Variants in PLCG2 observed in about 807,000 individuals in gnomAD.
PLCG2 encodes the protein 1-phosphatidylinositol 4,5-bisphosphate phosphodiesterase gamma-2.
In PLCG2, 69 loss-of-function variants were observed where a neutral mutation model predicts 175.6. The ratio of observed to expected loss-of-function variants is 0.39; its 90% CI spans 0.32 to 0.48. The LOEUF (loss-of-function observed/expected upper bound fraction) is 0.48, where lower values mean the gene tolerates loss of function less well. Among genes scored for constraint, PLCG2 ranks in the 20% least tolerant of loss-of-function variants. The probability of loss-of-function intolerance (pLI) is 0.91; values close to 1 mark genes in which losing one functional copy is unlikely to be tolerated. For synonymous variants in PLCG2, 827 were observed against 624.0 expected (o/e 1.33, Z -4.85); for missense variants, 1,798 against 1,650.9 (o/e 1.09, Z -1.54).
intron 1 of PLCG2, among the ~76,000 whole-genome samples, chr16:81,742,077 G>A (rs758397666): frequency 5.0e-5 from 7 of 139,546 alleles, no homozygotes; most frequent in East Asian, 4.0e-4. Flanking sequence ...AATTCTACTC[G>A]CTTCCTCCAT....
At chr16:81,917,587 G>A (rs1909895675) in intron 19 of PLCG2, among the ~76,000 whole-genome samples, 2 of 152,186 alleles carry the variant, frequency 1.3e-5, no homozygotes, top group Admixed American at 6.5e-5. Flanking sequence ...TCTAACAGGT[G>A]TGAGGTGACA....
intron 3 of PLCG2, among the ~76,000 whole-genome samples, chr16:81,856,711 C>T (rs1376420135): frequency 6.6e-6 from 1 of 152,186 alleles, no homozygotes; most frequent in Non-Finnish European, 1.5e-5. Context: ...TACTGCCCTC[C>T]CACGATGCCC....
At chr16:81,757,706 C>T (rs376695471) in intron 2 of PLCG2, among the ~76,000 whole-genome samples, 9 of 152,148 alleles carry the variant, frequency 5.9e-5, no homozygotes, top group African/African-American at 2.2e-4. Context: ...AAGTGTGATT[C>T]GATGGCTTAT....
intron 2 of PLCG2, among the ~76,000 whole-genome samples, chr16:81,819,340 G>A (rs997460281): frequency 1.3e-5 from 2 of 152,136 alleles, no homozygotes; most frequent in South Asian, 4.1e-4. Flanking sequence ...CATTTTCAGA[G>A]CTCATTTCTG....
At position 81,786,136 on chromosome 16, in the gene PLCG2, G is replaced by A. The variant is rs969768555; in HGVS notation, c.147G>A (p.Thr49=). 10 of 1,614,090 alleles carry A rather than the reference G, an allele frequency of 6.2e-6. No homozygotes were observed. The highest frequency in any genetic ancestry group is 5.3e-5 in the African/African-American group (4 of 74,928). Residue 49 remains threonine, a synonymous_variant, in exon 2 of 33, where the codon ACG becomes ACA. Coordinates refer to ENST00000564138, the MANE Select transcript of PLCG2 (RefSeq NM_002661.5). ...ERRTVQVIME[T]RQVAWSKTAD... ...GAACCGTCCAGGTGATCATGGAGAC[G>A]CGGCAGGTGGCCTGGAGCAAGACCG...
intron 1 of PLCG2, among the ~76,000 whole-genome samples, chr16:81,753,763 A>T (rs1475163847): frequency 6.6e-6 from 1 of 152,194 alleles, no homozygotes; most frequent in Non-Finnish European, 1.5e-5. Context: ...TGCCACAGCC[A>T]CTAATGCAGA....
intron 17 of PLCG2, 125 bp downstream of exon 17, chr16:81,908,716 G>A (rs186219684): frequency 2.5e-6 from 2 of 795,246 alleles, no homozygotes; most frequent in Non-Finnish European, 3.9e-6. Flanking sequence ...GGCTTCATTT[G>A]TCTAGCTCTT....
chr16:81,773,420 G>T (rs1910326018), intron 2 of PLCG2, among the ~76,000 whole-genome samples: 3 of 152,162 alleles, frequency 2.0e-5, no homozygotes. Flanking sequence ...CAGCAGTGCA[G>T]ATTGGGAAAC....
chr16:81,898,162 A>G (rs1481102735), intron 13 of PLCG2: 1 of 213,296 alleles, frequency 4.7e-6, no homozygotes, highest in Non-Finnish European at 9.6e-6. Flanking sequence ...ATCGAACATT[A>G]TCTCATTCAT....
intron 2 of PLCG2, among the ~76,000 whole-genome samples, chr16:81,812,263 A>G (rs1333049613): frequency 6.6e-6 from 1 of 151,864 alleles, no homozygotes; most frequent in Non-Finnish European, 1.5e-5. Flanking sequence ...GTTAGCCAGG[A>G]TGGTCTTGAT....
intron 15 of PLCG2, 129 bp from the exon 16 acceptor site, chr16:81,907,556 T>C: frequency 1.8e-6 from 1 of 562,714 alleles, no homozygotes; most frequent in East Asian, 3.0e-5. Flanking sequence ...GAATTCGCCA[T>C]AAATGTCTAT....
At chr16:81,824,389 C>T (rs892945088) in intron 2 of PLCG2, among the ~76,000 whole-genome samples, 2 of 152,130 alleles carry the variant, frequency 1.3e-5, no homozygotes, top group Non-Finnish European at 2.9e-5. Flanking sequence ...CCACCTCAAC[C>T]TCCCAAAGTG....
At chr16:81,806,947 A>G (rs964515684) in intron 2 of PLCG2, among the ~76,000 whole-genome samples, 4 of 152,044 alleles carry the variant, frequency 2.6e-5, no homozygotes, top group East Asian at 1.9e-4. Flanking sequence ...ATAGCACTCA[A>G]GCTTTTCCTC....
intron 25 of PLCG2, among the ~76,000 whole-genome samples, chr16:81,933,252 G>A (rs1270773377): frequency 6.6e-6 from 1 of 152,218 alleles, no homozygotes; most frequent in East Asian, 1.9e-4. Flanking sequence ...AACTGGGACA[G>A]TAGAGTTGAC....
At chr16:81,892,904 T>G (rs554623028) in intron 11 of PLCG2, among the ~76,000 whole-genome samples, 2 of 151,476 alleles carry the variant, frequency 1.3e-5, no homozygotes, top group South Asian at 4.2e-4. Flanking sequence ...CTGGAGTGCA[T>G]TGGTGCGATC....
intron 9 of PLCG2, among the ~76,000 whole-genome samples, chr16:81,883,943 C>A (rs182620090): frequency 3.9e-5 from 6 of 152,192 alleles, no homozygotes; most frequent in African/African-American, 1.4e-4. Context: ...TGTCCAGAGA[C>A]GACATGGGTG....
Position 81,938,904 on chromosome 16 carries a change from C to A in PLCG2, c.3302C>A (p.Thr1101Lys). ...GAGTATGACAACAACAAGTTCAAGA[C>A]GACGGTTGTGAGTAAGTCAGTCACC... ...GAEYDNNKFK[T>K]TVVNDNGLSP... Residue 1101 changes from threonine (T) to lysine (K), a missense_variant, in exon 29 of 33, where the codon ACG (threonine) becomes AAG (lysine). Coordinates refer to ENST00000564138, the MANE Select transcript of PLCG2 (RefSeq NM_002661.5). 6.2e-7 allele frequency: 1 copy of A among 1,603,984 alleles called. No individual in the cohort carries two copies. The highest frequency in any genetic ancestry group is 8.5e-7 in the Non-Finnish European group (1 of 1,171,418).
chr16:81,841,999 C>G lies in PLCG2; in HGVS notation c.194-12445C>G, dbSNP rs140465427. Among the ~76,000 whole-genome samples the G allele has an allele frequency of 2.0e-5, 3 of 152,346 alleles. No individual in the cohort carries two copies. The East Asian group carries it at 5.8e-4, about 29-fold the overall frequency. ...TAGCTAAACTCACCTTGGTGGAGCCCTCCTGGGGCCACGTGATTTTTATTT... is the reference window on the plus strand; with the variant it reads ...TAGCTAAACTCACCTTGGTGGAGCCGTCCTGGGGCCACGTGATTTTTATTT... On this transcript the variant is annotated intron_variant, in intron 2 of 32. Coordinates refer to ENST00000564138, the MANE Select transcript of PLCG2 (RefSeq NM_002661.5).
At chr16:81,887,028 C>A (rs1908400345) in intron 9 of PLCG2, among the ~76,000 whole-genome samples, 1 of 152,096 alleles carries the variant, frequency 6.6e-6, no homozygotes, top group Admixed American at 6.5e-5. Flanking sequence ...TAGCTAAGTA[C>A]CCATGCCTTT....
Sources: allele counts gnomAD v4.1 joint callset (sites outside exome capture counted in the v4.1 genomes callset), GRCh38; gene constraint gnomAD v4.1.1; transcripts MANE v1.5; gene names NCBI Gene and HGNC (gene_info 2026-07-23, HGNC 2026-07-21).